ATP8A2: variants seen among roughly 807,000 people sequenced by gnomAD.
ATP8A2 encodes ATPase phospholipid transporting 8A2, also known as phospholipid-transporting ATPase IB.
ATP8A2 carries 100 observed loss-of-function variants against 165.6 expected under a neutral mutation model. The observed-to-expected ratio is 0.60, with a 90% confidence interval of 0.51 to 0.71. The LOEUF is 0.71. Ranked by LOEUF, ATP8A2 falls within the 30% of genes least tolerant of loss-of-function variation. The pLI is 0.00. For missense variants in ATP8A2, 1,227 were observed against 1,479.5 expected, an observed-to-expected ratio of 0.83 and a Z score of 2.80; for synonymous variants, 543 against 548.8, an observed-to-expected ratio of 0.99 and a Z score of 0.15.
chr13:25,778,584 C>T (rs2044795144), intron 27 of ATP8A2, among the ~76,000 whole-genome samples: 2 of 152,294 alleles, frequency 1.3e-5, no homozygotes, highest in African/African-American at 2.4e-5. Context: ...AGCTAGGATA[C>T]GATTTCTGAA....
At chr13:25,851,233 G>T (rs1442309776) in intron 30 of ATP8A2, among the ~76,000 whole-genome samples, 3 of 152,174 alleles carry the variant, frequency 2.0e-5, no homozygotes, top group Non-Finnish European at 2.9e-5. Context: ...ATTACCTTGT[G>T]TGTTAGCATT....
chr13:25,594,656 G>A (rs1212722029), intron 24 of ATP8A2, among the ~76,000 whole-genome samples: 1 of 152,104 alleles, frequency 6.6e-6, no homozygotes, highest in African/African-American at 2.4e-5. Context: ...TTATGAGTGA[G>A]CACATACGAT....
intron 1 of ATP8A2, among the ~76,000 whole-genome samples, chr13:25,428,120 C>G (rs1355131035): frequency 6.6e-6 from 1 of 151,822 alleles, no homozygotes; most frequent in African/African-American, 2.4e-5. Flanking sequence ...GGAGGTTGAG[C>G]CTGCAGTCAG....
intron 2 of ATP8A2, among the ~76,000 whole-genome samples, chr13:25,512,544 T>C: frequency 6.8e-6 from 1 of 148,110 alleles, no homozygotes; most frequent in African/African-American, 2.5e-5. Context: ...ACGGGGCGGC[T>C]GGCCGGGCAG....
intron 35 of ATP8A2, among the ~76,000 whole-genome samples, chr13:25,985,333 T>C: frequency 6.6e-6 from 1 of 152,250 alleles, no homozygotes; most frequent in Non-Finnish European, 1.5e-5. Flanking sequence ...GTTCTTTCTT[T>C]CTTCTTCATA....
intron 1 of ATP8A2, among the ~76,000 whole-genome samples, chr13:25,465,027 GT>G (rs2035597682): frequency 1.3e-5 from 2 of 151,948 alleles, no homozygotes; most frequent in African/African-American, 2.4e-5. Flanking sequence ...CTTCCCTTTG[GT>G]TTCTTTCTCA....
chr13:25,625,662 CT>C (rs1256979063), intron 24 of ATP8A2, among the ~76,000 whole-genome samples: 1 of 152,210 alleles, frequency 6.6e-6, no homozygotes, highest in Non-Finnish European at 1.5e-5. Flanking sequence ...TTTGTTAACA[CT>C]TCATTCCACA....
At chr13:25,647,514 T>C (rs1053101912) in intron 24 of ATP8A2, among the ~76,000 whole-genome samples, 1 of 152,154 alleles carries the variant, frequency 6.6e-6, no homozygotes, top group Admixed American at 6.5e-5. Context: ...CTCTTGCTGT[T>C]CTTAGAATTT....
chr13:25,553,699 G>C, intron 11 of ATP8A2, 94 bp from the exon 12 acceptor site: 1 of 1,284,144 alleles, frequency 7.8e-7, no homozygotes. Flanking sequence ...TGACATGCAG[G>C]AGGTGCTCAA....
chr13:25,619,263 C>G (rs1305972597), intron 24 of ATP8A2, among the ~76,000 whole-genome samples: 1 of 152,116 alleles, frequency 6.6e-6, no homozygotes, highest in Non-Finnish European at 1.5e-5. Flanking sequence ...AGAAGACAGC[C>G]AGGTTTCCTG....
chr13:25,781,367 T>G (rs1366670629), intron 27 of ATP8A2, among the ~76,000 whole-genome samples: 2 of 152,272 alleles, frequency 1.3e-5, no homozygotes, highest in Admixed American at 1.3e-4. Flanking sequence ...AAAATTGTTT[T>G]GCAAACATAT....
intron 24 of ATP8A2, among the ~76,000 whole-genome samples, chr13:25,599,180 C>T (rs1185400867): frequency 1.3e-5 from 2 of 152,170 alleles, no homozygotes; most frequent in Non-Finnish European, 2.9e-5. Context: ...CTTAAAGAGC[C>T]AAGGGGACCC....
At chr13:25,571,237 C>T (rs997009580) in intron 17 of ATP8A2, among the ~76,000 whole-genome samples, 1 of 152,184 alleles carries the variant, frequency 6.6e-6, no homozygotes, top group African/African-American at 2.4e-5. Context: ...ACTCTCTACC[C>T]ACTTCCTGAG....
intron 24 of ATP8A2, among the ~76,000 whole-genome samples, chr13:25,607,873 C>A (rs2040558546): frequency 6.6e-6 from 1 of 152,040 alleles, no homozygotes; most frequent in African/African-American, 2.4e-5. Context: ...ATTTTGTTAA[C>A]CAAATTTATT....
intron 33 of ATP8A2, among the ~76,000 whole-genome samples, chr13:25,903,843 C>A (rs1193954785): frequency 1.3e-5 from 2 of 152,192 alleles, no homozygotes; most frequent in East Asian, 3.9e-4. Context: ...TTCCCACACA[C>A]ATTCACACAA....
chr13:25,663,265 A>G (rs2137703299), intron 24 of ATP8A2, among the ~76,000 whole-genome samples: 1 of 152,366 alleles, frequency 6.6e-6, no homozygotes, highest in African/African-American at 2.4e-5. Context: ...AGTTAATTCA[A>G]TGCAGGAGTG....
intron 15 of ATP8A2, among the ~76,000 whole-genome samples, chr13:25,563,542 A>G (rs1254436541): frequency 6.6e-6 from 1 of 152,138 alleles, no homozygotes; most frequent in Non-Finnish European, 1.5e-5. Context: ...TCCCTCTCCT[A>G]CATATGCGCT....
intron 27 of ATP8A2, among the ~76,000 whole-genome samples, chr13:25,788,576 C>T (rs1031535521): frequency 6.6e-6 from 1 of 152,212 alleles, no homozygotes; most frequent in African/African-American, 2.4e-5. Context: ...TTCCCCACAA[C>T]AGCATGGCAG....
Position 25,842,300 on chromosome 13 carries a change from G to A in ATP8A2, c.2956+2676G>A, listed in dbSNP as rs374832538. 3.9e-5 allele frequency among the ~76,000 whole-genome samples: 6 copies of A among 152,256 alleles called. No individual in the cohort carries two copies. The East Asian group carries it at 1.2e-3, about 29-fold the overall frequency. ...AATCAGGACAGGTGTGGAAAACTGA[G>A]CAGCTGAAAGGTGAAAGATGGGGAA... On this transcript the variant is annotated intron_variant, in intron 30 of 36. Transcript: ENST00000381655.
Sources: gnomAD v4.1 joint callset for allele counts (sites outside exome capture counted in the v4.1 genomes callset) on GRCh38, gnomAD v4.1.1 for gene constraint, MANE v1.5 for transcripts, NCBI Gene and HGNC (gene_info 2026-07-23, HGNC 2026-07-21) for gene names.